The following FRMD4A variants were observed in gnomAD, a reference collection of about 807,000 sequenced individuals.
FRMD4A encodes the protein FERM domain containing 4A.
In FRMD4A, 29 loss-of-function variants were observed where a neutral mutation model predicts 129.1. The ratio of observed to expected loss-of-function variants is 0.22; its 90% CI spans 0.17 to 0.31. The LOEUF (loss-of-function observed/expected upper bound fraction) is 0.31, where lower values mean the gene tolerates loss of function less well. Ranked by LOEUF, FRMD4A falls within the 10% of genes least tolerant of loss-of-function variation. The pLI is 1.00. For missense variants in FRMD4A, 1,272 were observed against 1,375.8 expected, an observed-to-expected ratio of 0.92 and a Z score of 1.19; for synonymous variants, 634 against 571.6, an observed-to-expected ratio of 1.11 and a Z score of -1.56.
chr10:14,022,621 GGGGAGGTT>G (rs1253194988), intron 2 of FRMD4A, among the ~76,000 whole-genome samples: 3 of 152,200 alleles, frequency 2.0e-5, no homozygotes, highest in African/African-American at 4.8e-5. Flanking sequence ...AATTGAGTGT[GGGGAGGTT>G]GGGCTAGAGA....
intron 2 of FRMD4A, among the ~76,000 whole-genome samples, chr10:14,134,905 A>G (rs577104519): frequency 2.6e-5 from 4 of 152,340 alleles, no homozygotes; most frequent in Non-Finnish European, 4.4e-5. Context: ...ACCAAGGTTA[A>G]AAACACATGA....
intron 2 of FRMD4A, among the ~76,000 whole-genome samples, chr10:14,095,433 T>C (rs1836899491): frequency 6.6e-6 from 1 of 152,250 alleles, no homozygotes; most frequent in Non-Finnish European, 1.5e-5. Flanking sequence ...GATGCCATTT[T>C]TATTGTAATT....
intron 2 of FRMD4A, among the ~76,000 whole-genome samples, chr10:14,203,927 G>A (rs1479952515): frequency 2.0e-5 from 3 of 152,144 alleles, no homozygotes; most frequent in Admixed American, 1.3e-4. Context: ...TTTGTCTATC[G>A]TAGTTTGACC....
In FRMD4A at chr10:13,762,647, C is replaced by G; in HGVS notation, c.418G>C (p.Glu140Gln). The G allele has an allele frequency of 6.2e-7, 1 of 1,606,156 alleles. No individual in the cohort carries two copies. The highest frequency in any genetic ancestry group is 8.5e-7 in the Non-Finnish European group (1 of 1,172,884). The change falls in exon 7 of 25, where the codon GAA becomes CAA. Residue 140 changes from glutamate to glutamine, a missense_variant. This residue lies in a region of FRMD4A where 300 missense variants were observed against 483.6 expected (regional missense o/e 0.62). Transcript: ENST00000357447. ...LIDVDSEVVF[E>Q]LASYILQEAK... The stretch of plus-strand genomic sequence containing the variant: ...ACCTGTAAAATATAGGAAGCTAATT[C>G]AAACACCACTTCGCTGTCAACGTCA...
At chr10:13,787,688 A>C (rs1279751853) in intron 5 of FRMD4A, among the ~76,000 whole-genome samples, 2 of 151,302 alleles carry the variant, frequency 1.3e-5, no homozygotes, top group Admixed American at 1.3e-4. Context: ...TGAACTCCTG[A>C]GCTCAAGTAA....
Position 13,897,425 on chromosome 10 carries a change from T to C in FRMD4A, c.46-38513A>G, listed in dbSNP as rs574110457. 4.0e-5 allele frequency among the ~76,000 whole-genome samples: 6 copies of C among 151,764 alleles called. No homozygotes were observed. The South Asian group carries it at 1.2e-3, about 32-fold the overall frequency. The stretch of plus-strand genomic sequence containing the variant: ...GCTGAACTCTTAAAGAGAGGAGAGG[T>C]GCTCTGAGGTTTGGAAATGGGGGAG... On this transcript the variant is annotated intron_variant, in intron 2 of 24. Coordinates refer to ENST00000357447, the MANE Select transcript of FRMD4A (RefSeq NM_018027.5).
chr10:13,740,399 A>G, intron 10 of FRMD4A, 113 bp downstream of exon 10: 1 of 877,676 alleles, frequency 1.1e-6, no homozygotes, highest in Non-Finnish European at 1.9e-6. Context: ...AAATGGAAAC[A>G]TACACCCCCC....
chr10:13,853,993 A>T lies in FRMD4A; in HGVS notation c.111+4854T>A, dbSNP rs557082899. 3.3e-5 allele frequency among the ~76,000 whole-genome samples: 5 copies of T among 152,182 alleles called. No individual in the cohort carries two copies. The South Asian group carries it at 1.0e-3, about 32-fold the overall frequency. On this transcript the variant is annotated intron_variant, in intron 3 of 24. Transcript: ENST00000357447. ...CTGGGCAGGCTCCCTGTGAGACAGG[A>T]TATCTACAGTCTCACAAGCCTCAAG...
intron 11 of FRMD4A, 140 bp downstream of exon 11, chr10:13,740,054 C>T (rs2090894805): frequency 7.7e-6 from 5 of 648,522 alleles, no homozygotes; most frequent in South Asian, 3.7e-5. Context: ...GAGCCAAGAT[C>T]GCACCCTGCA....
chr10:14,049,284 G>A (rs528418708), intron 2 of FRMD4A, among the ~76,000 whole-genome samples: 93 of 152,296 alleles, frequency 6.1e-4, no homozygotes, highest in Middle Eastern at 3.4e-3. Flanking sequence ...GGGATTTGGG[G>A]GATGAGGAGA....
chr10:14,115,229 T>C (rs768800441), intron 2 of FRMD4A, among the ~76,000 whole-genome samples: 4 of 152,188 alleles, frequency 2.6e-5, no homozygotes, highest in Non-Finnish European at 4.4e-5. Flanking sequence ...CAAGTGACAA[T>C]AGACACCTGT....
chr10:14,312,960 A>G (rs941863447), intron 2 of FRMD4A, among the ~76,000 whole-genome samples: 2 of 152,252 alleles, frequency 1.3e-5, no homozygotes, highest in African/African-American at 4.8e-5. Context: ...AAAAGGATAC[A>G]CAAGAAACTA....
intron 2 of FRMD4A, among the ~76,000 whole-genome samples, chr10:14,041,032 T>G (rs1833759419): frequency 1.3e-5 from 2 of 152,224 alleles, no homozygotes; most frequent in Admixed American, 1.3e-4. Flanking sequence ...AGGAATTATA[T>G]AACTCCCCTG....
intron 8 of FRMD4A, among the ~76,000 whole-genome samples, chr10:13,756,412 G>C (rs1360563804): frequency 1.3e-5 from 2 of 152,224 alleles, no homozygotes; most frequent in Non-Finnish European, 2.9e-5. Flanking sequence ...CTGGAGTGCA[G>C]TGGTGCAATC....
intron 2 of FRMD4A, among the ~76,000 whole-genome samples, chr10:14,086,459 A>C (rs1327008): frequency 1 from 151,708 of 152,320 alleles, 75,555 homozygotes; most frequent in Non-Finnish European, 1. Flanking sequence ...TATTTTTTAT[A>C]ATTTGCATCT....
intron 2 of FRMD4A, among the ~76,000 whole-genome samples, chr10:14,146,090 G>A (rs1840060792): frequency 6.6e-6 from 1 of 152,172 alleles, no homozygotes; most frequent in Non-Finnish European, 1.5e-5. Flanking sequence ...TAACATCTCT[G>A]TGGCTCAATT....
At chr10:13,812,910 C>T (rs2093473406) in intron 3 of FRMD4A, among the ~76,000 whole-genome samples, 1 of 152,370 alleles carries the variant, frequency 6.6e-6, no homozygotes, top group Non-Finnish European at 1.5e-5. Context: ...CCCTCCCTCA[C>T]TCCTGGTGGA....
intron 2 of FRMD4A, chr10:13,971,632 C>G: frequency 7.9e-7 from 1 of 1,263,190 alleles, no homozygotes; most frequent in South Asian, 1.2e-5. Context: ...TTCAAAGAAA[C>G]GAAAGAGGAG....
chr10:14,226,233 C>G (rs375915250), intron 2 of FRMD4A, among the ~76,000 whole-genome samples: 1 of 152,212 alleles, frequency 6.6e-6, no homozygotes, highest in Non-Finnish European at 1.5e-5. Flanking sequence ...TTTTAAGCCC[C>G]GCATGTTTTC....
Sources: allele counts gnomAD v4.1 joint callset (sites outside exome capture counted in the v4.1 genomes callset), GRCh38; gene constraint gnomAD v4.1.1; regional missense constraint gnomAD v4.1.1; transcripts MANE v1.5; gene names NCBI Gene and HGNC (gene_info 2026-07-23, HGNC 2026-07-21).